The following LUZP2 variants were observed in gnomAD, a reference collection of about 807,000 sequenced individuals.
The protein encoded by LUZP2 is leucine zipper protein 2.
In LUZP2, 52 loss-of-function variants were observed where a neutral mutation model predicts 51.6. The observed-to-expected ratio is 1.01, with a 90% CI of 0.81 to 1.27. The LOEUF (loss-of-function observed/expected upper bound fraction) is 1.27. LUZP2 is among the 50% of genes most tolerant of loss of function. LUZP2 has a pLI of 0.00. For missense variants in LUZP2, 436 were observed against 395.4 expected, an observed-to-expected ratio of 1.10 and a Z score of -0.87; for synonymous variants, 154 against 137.3, an observed-to-expected ratio of 1.12 and a Z score of -0.85.
chr11:24,667,907 G>A (rs1856270117), intron 1 of LUZP2, among the ~76,000 whole-genome samples: 1 of 152,178 alleles, frequency 6.6e-6, no homozygotes, highest in Non-Finnish European at 1.5e-5. Context: ...AACATTGAAA[G>A]AATGAGGGTA....
At chr11:24,939,331 G>C (rs765652237) in intron 7 of LUZP2, among the ~76,000 whole-genome samples, 26 of 152,032 alleles carry the variant, frequency 1.7e-4, no homozygotes, top group Non-Finnish European at 2.9e-4. Flanking sequence ...CCTCAGTCTA[G>C]TAAGGGAGAG....
intron 1 of LUZP2, among the ~76,000 whole-genome samples, chr11:24,566,914 T>C (rs11028023): frequency 3.5e-4 from 1 of 2,866 alleles, no homozygotes; most frequent in Non-Finnish European, 7.0e-4. Flanking sequence ...TATATATATA[T>C]ATATGTATAT....
intron 10 of LUZP2, among the ~76,000 whole-genome samples, chr11:25,067,690 A>G (rs911617316): frequency 6.6e-6 from 1 of 150,854 alleles, no homozygotes. Flanking sequence ...GCTGGAGACG[A>G]TATGGAGAAA....
intron 1 of LUZP2, among the ~76,000 whole-genome samples, chr11:24,601,593 C>G (rs566677330): frequency 6.6e-6 from 1 of 151,650 alleles, no homozygotes; most frequent in Non-Finnish European, 1.5e-5. Context: ...ATTATTTTAT[C>G]GGGTAGCCTA....
At chr11:24,832,576 T>C (rs1850733492) in intron 5 of LUZP2, among the ~76,000 whole-genome samples, 1 of 141,400 alleles carries the variant, frequency 7.1e-6, no homozygotes, top group Admixed American at 7.2e-5. Context: ...AACTTAAAAA[T>C]ATGCAAAAAT....
intron 7 of LUZP2, among the ~76,000 whole-genome samples, chr11:24,917,861 A>G (rs1367055152): frequency 6.6e-6 from 1 of 152,062 alleles, no homozygotes; most frequent in African/African-American, 2.4e-5. Context: ...GTTTTTTCCA[A>G]TTCTGTGAAG....
At chr11:25,051,453 T>G (rs1858511186) in intron 10 of LUZP2, among the ~76,000 whole-genome samples, 2 of 152,232 alleles carry the variant, frequency 1.3e-5, no homozygotes, top group Non-Finnish European at 2.9e-5. Flanking sequence ...GAAATTTACT[T>G]CCAAAGGAGG....
At chr11:24,628,212 TACAC>T (rs34309953) in intron 1 of LUZP2, among the ~76,000 whole-genome samples, 63,565 of 150,036 alleles carry the variant, frequency 0.42, 13,306 homozygotes, top group Middle Eastern at 0.49. Flanking sequence ...CACCCATGCA[TACAC>T]ACACACACAC....
At chr11:24,775,340 A>T (rs968877623) in intron 5 of LUZP2, among the ~76,000 whole-genome samples, 2 of 151,094 alleles carry the variant, frequency 1.3e-5, no homozygotes, top group African/African-American at 4.9e-5. Context: ...GTGGAATCCA[A>T]TTTCAGGCCA....
chr11:24,572,361 T>C (rs1852471897), intron 1 of LUZP2, among the ~76,000 whole-genome samples: 1 of 152,018 alleles, frequency 6.6e-6, no homozygotes, highest in Non-Finnish European at 1.5e-5. Flanking sequence ...GTGATAGTAA[T>C]ACAGGTCTCA....
chr11:24,532,328 T>C (rs1476050874), intron 1 of LUZP2, among the ~76,000 whole-genome samples: 2 of 151,006 alleles, frequency 1.3e-5, no homozygotes, highest in African/African-American at 4.8e-5. Context: ...CTTTGAGAAA[T>C]ATGACTATTG....
chr11:24,829,916 G>T (rs775406745), intron 5 of LUZP2, among the ~76,000 whole-genome samples: 1 of 152,112 alleles, frequency 6.6e-6, no homozygotes, highest in Admixed American at 6.6e-5. Flanking sequence ...CTAGTTTTAC[G>T]TATTTTTCAT....
At chr11:24,826,399 TTACAC>T (rs914804973) in intron 5 of LUZP2, among the ~76,000 whole-genome samples, 7 of 151,564 alleles carry the variant, frequency 4.6e-5, no homozygotes, top group Non-Finnish European at 8.8e-5. Context: ...AATTGGGAGA[TTACAC>T]TACTCCTATT....
intron 5 of LUZP2, among the ~76,000 whole-genome samples, chr11:24,774,167 C>T (rs546555124): frequency 3.3e-5 from 5 of 151,742 alleles, no homozygotes; most frequent in African/African-American, 1.2e-4. Flanking sequence ...CTGGCCTAGC[C>T]TCTCAACCTA....
chr11:24,733,904 G>A (rs777099221), intron 3 of LUZP2, among the ~76,000 whole-genome samples: 1 of 151,680 alleles, frequency 6.6e-6, no homozygotes, highest in Non-Finnish European at 1.5e-5. Flanking sequence ...GTGAGAGACT[G>A]AGGAAGATAT....
chr11:25,001,041 T>G (rs1856668673), intron 9 of LUZP2, among the ~76,000 whole-genome samples: 1 of 152,132 alleles, frequency 6.6e-6, no homozygotes, highest in Admixed American at 6.5e-5. Flanking sequence ...GACTTGAGCT[T>G]TGAGGGGCAC....
At chr11:24,834,722 G>T (rs528724065) in intron 5 of LUZP2, among the ~76,000 whole-genome samples, 1 of 152,110 alleles carries the variant, frequency 6.6e-6, no homozygotes, top group Non-Finnish European at 1.5e-5. Context: ...CAGTGCAAAA[G>T]CATTCCTATT....
chr11:24,724,725 T>C (rs530675121), intron 1 of LUZP2, among the ~76,000 whole-genome samples: 1 of 152,320 alleles, frequency 6.6e-6, no homozygotes, highest in South Asian at 2.1e-4. Context: ...GAAAAAGATA[T>C]GACTGGTCAA....
chr11:24,831,390 C>T (rs2631494), intron 5 of LUZP2, among the ~76,000 whole-genome samples: 23,838 of 152,064 alleles, frequency 0.16, 2,081 homozygotes, highest in African/African-American at 0.22. Context: ...TTCTTGAAAA[C>T]GATTAGGGTC....
Sources: allele counts gnomAD v4.1 joint callset (sites outside exome capture counted in the v4.1 genomes callset), GRCh38; gene constraint gnomAD v4.1.1; transcripts MANE v1.5; gene names NCBI Gene and HGNC (gene_info 2026-07-23, HGNC 2026-07-21).